SGO2: variants seen among roughly 807,000 people sequenced by gnomAD.
SGO2 encodes the protein shugoshin-like 2.
SGO2 carries 68 observed loss-of-function variants against 99.5 expected under a neutral mutation model. The ratio of observed to expected loss-of-function variants is 0.68; its 90% CI spans 0.56 to 0.84. SGO2 has a LOEUF of 0.84. Among genes scored for constraint, SGO2 ranks in the 40% least tolerant of loss-of-function variants. The probability of loss-of-function intolerance (pLI) is 0.00; values close to 1 mark genes in which losing one functional copy is unlikely to be tolerated. For missense variants in SGO2, 1,350 were observed against 1,436.7 expected (o/e 0.94, Z 0.97); for synonymous variants, 457 against 487.1 (o/e 0.94, Z 0.81).
chr2:200,539,526 C>A (rs535275324), intron 4 of SGO2, among the ~76,000 whole-genome samples: 39 of 151,524 alleles, frequency 2.6e-4, no homozygotes, highest in Non-Finnish European at 4.7e-4. Context: ...TTAATAAGTT[C>A]TTTTGCCTTT....
chr2:200,532,094 A>G (rs1339791795), intron 1 of SGO2, among the ~76,000 whole-genome samples: 2 of 152,018 alleles, frequency 1.3e-5, no homozygotes, highest in Non-Finnish European at 2.9e-5. Context: ...TGTAGCACTT[A>G]GGGGATTCGA....
intron 8 of SGO2, among the ~76,000 whole-genome samples, chr2:200,576,335 G>A (rs2033662688): frequency 6.6e-6 from 1 of 151,934 alleles, no homozygotes; most frequent in Admixed American, 6.6e-5. Flanking sequence ...CAGCACTGTG[G>A]GAGGCTGAGG....
chr2:200,535,392 A>C (rs1256997272), intron 3 of SGO2, among the ~76,000 whole-genome samples: 1 of 152,198 alleles, frequency 6.6e-6, no homozygotes, highest in Non-Finnish European at 1.5e-5. Context: ...TGTGTAAACC[A>C]GTATAATACT....
At chr2:200,563,364 T>G (rs1201904161) in intron 5 of SGO2, among the ~76,000 whole-genome samples, 1 of 152,210 alleles carries the variant, frequency 6.6e-6, no homozygotes, top group African/African-American at 2.4e-5. Flanking sequence ...TTACGTTTAT[T>G]GATTTGCATA....
At chr2:200,557,455 C>G (rs991028821) in intron 5 of SGO2, among the ~76,000 whole-genome samples, 1 of 152,134 alleles carries the variant, frequency 6.6e-6, no homozygotes, top group Non-Finnish European at 1.5e-5. Flanking sequence ...AGTATCATCC[C>G]TTCATGGTTT....
At position 200,570,631 on chromosome 2, in the gene SGO2, CAT is replaced by C. The variant is rs138812595; in HGVS notation, c.704-414_704-413del. Reference sequence around the variant, plus strand: ...GTGTATATATTTACACACATACAAACATATATTAATATATGTATATATAATTT... The same window carrying C: ...GTGTATATATTTACACACATACAAACATATTAATATATGTATATATAATTT... On this transcript the variant is annotated intron_variant, in intron 6 of 8. Transcript: ENST00000357799. The surrounding 1 kb of genome is among the most constrained non-coding windows in gnomAD (Gnocchi z 4.4). Among the ~76,000 whole-genome samples the C allele has an allele frequency of 0.3, 45,432 of 150,414 alleles. 7,256 individuals are homozygous for C. The highest frequency in any genetic ancestry group is 0.36 in the Non-Finnish European group (24,383 of 67,490).
At chr2:200,581,027 G>T (rs191909300) in intron 8 of SGO2, among the ~76,000 whole-genome samples, 138 of 152,132 alleles carry the variant, frequency 9.1e-4, no homozygotes, top group African/African-American at 3.2e-3. Context: ...AACCTTTCTG[G>T]TTTTTTGTTT....
intron 5 of SGO2, among the ~76,000 whole-genome samples, chr2:200,544,177 T>C (rs1468759536): frequency 6.6e-6 from 1 of 152,224 alleles, no homozygotes; most frequent in African/African-American, 2.4e-5. Context: ...TATTGCTGTA[T>C]GTAGTTGTAA....
chr2:200,568,462 A>C (rs2033276086), intron 5 of SGO2, among the ~76,000 whole-genome samples: 1 of 152,190 alleles, frequency 6.6e-6, no homozygotes, highest in African/African-American at 2.4e-5. Context: ...AATAAGCAAC[A>C]TCTGAAATCT....
In SGO2 at chr2:200,570,956, T is replaced by A; in HGVS notation, c.704-94T>A. On this transcript the variant is annotated intron_variant, in intron 6 of 8. Coordinates refer to ENST00000357799, the MANE Select transcript of SGO2 (RefSeq NM_152524.6). The surrounding 1 kb of genome is among the most constrained non-coding windows in gnomAD (Gnocchi z 4.4). ...TCAGAACACATTGTCAGAAATTATA[T>A]CTGTGAAACAGCTTGATTTCGAATC... 1 of 1,140,572 alleles carries A rather than the reference T, an allele frequency of 8.8e-7. No individual in the cohort carries two copies. Among genetic ancestry groups the A allele is most frequent in the Non-Finnish European group, 1.2e-6 (1 of 817,388 alleles). 70.7% of individuals were successfully genotyped at this position (1,140,572 alleles called of 1,614,324 possible).
At chr2:200,580,344 G>A (rs1244014859) in intron 8 of SGO2, among the ~76,000 whole-genome samples, 1 of 151,520 alleles carries the variant, frequency 6.6e-6, no homozygotes, top group African/African-American at 2.4e-5. Flanking sequence ...ATCAAATTAG[G>A]TAGTAGTTTA....
intron 5 of SGO2, among the ~76,000 whole-genome samples, chr2:200,557,865 C>CTTTTT (rs796257056): frequency 7.7e-6 from 1 of 130,174 alleles, no homozygotes; most frequent in South Asian, 2.5e-4. Context: ...GCATTGGCTA[C>CTTTTT]TTTTTTTTTT....
intron 5 of SGO2, among the ~76,000 whole-genome samples, chr2:200,552,001 C>G (rs1232444790): frequency 6.6e-6 from 1 of 152,088 alleles, no homozygotes; most frequent in Non-Finnish European, 1.5e-5. Context: ...TGTCAGTTTA[C>G]ACACACACAT....
chr2:200,535,864 T>C (rs1440466217), intron 3 of SGO2, among the ~76,000 whole-genome samples: 1 of 152,068 alleles, frequency 6.6e-6, no homozygotes, highest in Non-Finnish European at 1.5e-5. Context: ...ATGTATGATA[T>C]GTATGACTAT....
rs181973693 is a variant in SGO2, at chr2:200,573,512, C to G, written c.3166C>G (p.Leu1056Val). The G allele has an allele frequency of 6.2e-7, 1 of 1,612,298 alleles. No individual in the cohort carries two copies. The highest frequency in any genetic ancestry group is 2.2e-5 in the East Asian group (1 of 44,826). ...CACTACCACTTTGAATAAAAAAGAT[C>G]TCCCTTTTGTGGAAGAAATAAAAGA... Reference protein sequence around the residue: ...QSTTTLNKKDLPFVEEIKEGE... With the variant: ...QSTTTLNKKDVPFVEEIKEGE... Residue 1056 changes from leucine to valine, a missense_variant, in exon 7 of 9, where the codon CTC becomes GTC. Coordinates refer to ENST00000357799, the MANE Select transcript of SGO2 (RefSeq NM_152524.6).
In SGO2 at chr2:200,571,490, A is replaced by G. The variant is rs372957771; in HGVS notation, c.1144A>G (p.Ile382Val). ...CAAAATTGTCACAGTCTCAACAGGC[A>G]TTAAAAAGAAAAGTAATAAAAAAAC... is the stretch of plus-strand genomic sequence containing the variant. ...VSKIVTVSTG[I>V]KKKSNKKTNE... Residue 382 changes from isoleucine to valine, a missense_variant, in exon 7 of 9, where the codon ATT (isoleucine) becomes GTT (valine). Physicochemically the swap from Ile to Val is conservative, Grantham distance 29. Coordinates refer to ENST00000357799, the MANE Select transcript of SGO2 (RefSeq NM_152524.6). 5.2e-5 allele frequency: 84 copies of G among 1,611,422 alleles called. No homozygotes were observed. The highest frequency in any genetic ancestry group is 4.8e-4 in the African/African-American group (36 of 74,648).
chr2:200,583,320 T>C (rs1458294365), intron 8 of SGO2, 129 bp from the exon 9 acceptor site: 8 of 632,398 alleles, frequency 1.3e-5, no homozygotes, highest in Non-Finnish European at 2.1e-5. Flanking sequence ...TTTCAAGTAT[T>C]TAACAAAGCT....
chr2:200,573,650 A>C lies in SGO2; in HGVS notation c.3304A>C (p.Ser1102Arg). ...SHEVMERILD[S>R]VQGKSTVSEQ... ...TGAAGTAATGGAAAGAATACTTGACAGCGTTCAGGGAAAGTCTACTGTATC... is the reference window on the plus strand; with the variant it reads ...TGAAGTAATGGAAAGAATACTTGACCGCGTTCAGGGAAAGTCTACTGTATC... Residue 1102 changes from serine (S) to arginine (R), a missense_variant, in exon 7 of 9, where the codon AGC becomes CGC. By Grantham distance (110) the Ser-to-Arg change is moderately radical. Coordinates refer to ENST00000357799, the MANE Select transcript of SGO2 (RefSeq NM_152524.6). The C allele has an allele frequency of 6.2e-7, 1 of 1,613,238 alleles. No homozygotes were observed. The highest frequency in any genetic ancestry group is 8.5e-7 in the Non-Finnish European group (1 of 1,179,470).
intron 4 of SGO2, among the ~76,000 whole-genome samples, chr2:200,541,878 T>A (rs979227451): frequency 2.6e-5 from 4 of 151,938 alleles, no homozygotes; most frequent in African/African-American, 9.7e-5. Flanking sequence ...CTCTCTGTTC[T>A]ATGTCATTGA....
Sources: gnomAD v4.1 joint callset for allele counts (sites outside exome capture counted in the v4.1 genomes callset) on GRCh38, gnomAD v4.1.1 for gene constraint, Gnocchi (gnomAD v3.1) non-coding constraint, MANE v1.5 for transcripts, NCBI Gene and HGNC (gene_info 2026-07-23, HGNC 2026-07-21) for gene names.